IL1RAPL2: variants seen among roughly 807,000 people sequenced by gnomAD.
The protein encoded by IL1RAPL2 is interleukin 1 receptor accessory protein like 2.
A neutral mutation model predicts 44.1 loss-of-function variants in IL1RAPL2; 3 were observed. That is an observed-to-expected ratio of 0.07 (90% confidence interval 0.03 to 0.18). The LOEUF is 0.18. IL1RAPL2 is among the 10% of genes least tolerant of loss of function. IL1RAPL2 has a pLI of 1.00. For missense variants in IL1RAPL2, 391 were observed against 496.4 expected (o/e 0.79, Z 2.02); for synonymous variants, 181 against 178.8 (o/e 1.01, Z -0.10).
chrX:105,295,166 C>T (rs2034645214), intron 5 of IL1RAPL2, among the ~76,000 whole-genome samples: 1 of 110,928 alleles, frequency 9.0e-6, no homozygotes, highest in African/African-American at 3.3e-5. Flanking sequence ...CCTTGAAAGC[C>T]AGGACATATA....
intron 5 of IL1RAPL2, among the ~76,000 whole-genome samples, chrX:105,367,075 T>C (rs1385707395): frequency 1.1e-4 from 12 of 111,839 alleles, no homozygotes; most frequent in Non-Finnish European, 1.9e-4. Flanking sequence ...TTTATTATTA[T>C]TTAATGACCT....
At chrX:104,928,150 G>A (rs1034438285) in intron 2 of IL1RAPL2, among the ~76,000 whole-genome samples, 1 of 111,618 alleles carries the variant, frequency 9.0e-6, no homozygotes, top group Non-Finnish European at 1.9e-5. Flanking sequence ...TATCCTTTGT[G>A]TTACAAACAA....
chrX:105,374,571 A>G (rs2035371066), intron 5 of IL1RAPL2, among the ~76,000 whole-genome samples: 1 of 110,819 alleles, frequency 9.0e-6, no homozygotes, highest in Non-Finnish European at 1.9e-5. Flanking sequence ...GGATAGCTGT[A>G]TCCCTAGGTA....
chrX:104,844,447 T>C (rs1458701921), intron 2 of IL1RAPL2, among the ~76,000 whole-genome samples: 3 of 111,631 alleles, frequency 2.7e-5, no homozygotes, highest in Non-Finnish European at 3.8e-5. Context: ...GCCTTTAATA[T>C]ACTGATGTTT....
chrX:105,717,593 G>C, intron 7 of IL1RAPL2, 97 bp downstream of exon 7: 1 of 852,205 alleles, frequency 1.2e-6, no homozygotes. Flanking sequence ...TCTAAAAGCT[G>C]ATCTTATGGA....
intron 6 of IL1RAPL2, among the ~76,000 whole-genome samples, chrX:105,688,880 G>A (rs2038009572): frequency 9.0e-6 from 1 of 111,369 alleles, no homozygotes; most frequent in African/African-American, 3.3e-5. Context: ...CAGATTTATA[G>A]ACCAGTGGAG....
At chrX:105,149,828 C>T (rs1365638952) in intron 2 of IL1RAPL2, among the ~76,000 whole-genome samples, 3 of 108,644 alleles carry the variant, frequency 2.8e-5, no homozygotes, top group East Asian at 5.7e-4. Flanking sequence ...AGCGAGACTC[C>T]ATCTCAAAAA....
intron 7 of IL1RAPL2, among the ~76,000 whole-genome samples, chrX:105,734,403 A>C (rs1465634314): frequency 9.1e-6 from 1 of 110,415 alleles, no homozygotes; most frequent in Non-Finnish European, 1.9e-5. Context: ...AGCTTTTAAA[A>C]AAAGAAAAGA....
At chrX:104,772,903 C>T (rs1932660440) in intron 2 of IL1RAPL2, among the ~76,000 whole-genome samples, 1 of 111,264 alleles carries the variant, frequency 9.0e-6, no homozygotes, top group African/African-American at 3.3e-5. Context: ...ACAGGAAGTA[C>T]AATTTTTTCT....
intron 2 of IL1RAPL2, among the ~76,000 whole-genome samples, chrX:104,947,035 G>A (rs1187795337): frequency 9.4e-6 from 1 of 106,772 alleles, no homozygotes; most frequent in Non-Finnish European, 1.9e-5. Context: ...CCCACCAACA[G>A]TGTAAAAGTG....
At chrX:105,473,880 G>A (rs1441222402) in intron 5 of IL1RAPL2, among the ~76,000 whole-genome samples, 3 of 111,773 alleles carry the variant, frequency 2.7e-5, no homozygotes, top group African/African-American at 9.7e-5. Flanking sequence ...TATTCCATAT[G>A]ACAGCCGCAA....
intron 1 of IL1RAPL2, among the ~76,000 whole-genome samples, chrX:104,576,114 T>A (rs1928239747): frequency 9.0e-6 from 1 of 111,428 alleles, no homozygotes; most frequent in Non-Finnish European, 1.9e-5. Context: ...TATTAAATCA[T>A]TTCATATTAA....
intron 2 of IL1RAPL2, among the ~76,000 whole-genome samples, chrX:105,109,093 C>G (rs920998780): frequency 8.9e-6 from 1 of 112,066 alleles, no homozygotes; most frequent in Non-Finnish European, 1.9e-5. Context: ...CACCAGGAAG[C>G]CTTGCCTCCA....
chrX:105,255,363 A>G (rs2034305560), intron 4 of IL1RAPL2, among the ~76,000 whole-genome samples: 1 of 111,707 alleles, frequency 9.0e-6, no homozygotes, highest in South Asian at 3.7e-4. Flanking sequence ...GGTGTATGTG[A>G]ATGCTGGTGA....
rs573171536 is a variant in IL1RAPL2 at position 104,750,153 on chromosome X, G to A, written c.82+91158G>A. Among the ~76,000 whole-genome samples, 13 of 112,009 alleles carry A rather than the reference G, an allele frequency of 1.2e-4. No homozygotes were observed. In the South Asian group the frequency reaches 4.8e-3, roughly 42 times the overall value. On this transcript the variant is annotated intron_variant, in intron 2 of 10. Coordinates refer to ENST00000372582, the MANE Select transcript of IL1RAPL2 (RefSeq NM_017416.2). ...ACATATGCCACATTCATGTTGTCTA[G>A]ATGATGAATGACTTATTGATAGTCC...
chrX:104,819,903 G>T (rs1490402317), intron 2 of IL1RAPL2, among the ~76,000 whole-genome samples: 1 of 111,353 alleles, frequency 9.0e-6, no homozygotes, highest in Non-Finnish European at 1.9e-5. Context: ...ATCTTGAAAT[G>T]CTTTTTGCCT....
chrX:105,131,531 AT>A (rs924931766), intron 2 of IL1RAPL2, among the ~76,000 whole-genome samples: 206 of 102,946 alleles, frequency 2.0e-3, no homozygotes, highest in Middle Eastern at 4.9e-3. Context: ...ACCTGTAAAT[AT>A]TTTTTTTTTT....
intron 2 of IL1RAPL2, among the ~76,000 whole-genome samples, chrX:104,897,254 A>T (rs982058189): frequency 8.9e-6 from 1 of 111,959 alleles, no homozygotes; most frequent in East Asian, 2.8e-4. Flanking sequence ...TTCTTCACAC[A>T]TGCTCCTGGA....
intron 2 of IL1RAPL2, among the ~76,000 whole-genome samples, chrX:105,037,807 C>G (rs1178697303): frequency 8.9e-6 from 1 of 111,899 alleles, no homozygotes; most frequent in African/African-American, 3.2e-5. Context: ...GGCTACTGCC[C>G]CATTTCTCTA....
Sources: gnomAD v4.1 joint callset for allele counts (sites outside exome capture counted in the v4.1 genomes callset) on GRCh38, gnomAD v4.1.1 for gene constraint, MANE v1.5 for transcripts, NCBI Gene and HGNC (gene_info 2026-07-23, HGNC 2026-07-21) for gene names.